The following GABRA2 variants were observed in gnomAD, a reference collection of about 807,000 sequenced individuals.
The protein encoded by GABRA2 is gamma-aminobutyric acid type A receptor subunit alpha2.
GABRA2 carries 16 observed loss-of-function variants against 48.7 expected under a neutral mutation model. The observed-to-expected ratio is 0.33, with a 90% confidence interval of 0.22 to 0.50. The LOEUF (loss-of-function observed/expected upper bound fraction) is 0.50. GABRA2 is among the 20% of genes least tolerant of loss of function. The probability of loss-of-function intolerance (pLI) is 0.98; values close to 1 mark genes in which losing one functional copy is unlikely to be tolerated. For missense variants in GABRA2, 275 were observed against 535.6 expected (o/e 0.51, Z 4.80); for synonymous variants, 185 against 184.5 (o/e 1.00, Z -0.02).
chr4:46,335,123 T>C lies in GABRA2; in HGVS notation c.188-2441A>G, dbSNP rs540781306. Among the ~76,000 whole-genome samples the C allele has an allele frequency of 5.3e-5, 8 of 151,938 alleles. No homozygotes were observed. In the East Asian group the frequency reaches 9.7e-4, roughly 18 times the overall value. On this transcript the variant is annotated intron_variant, in intron 3 of 9. Transcript: ENST00000381620. Reference sequence around the variant, plus strand: ...TCTTTGGTTATATTTTGGCTTTCTATAAGACAAGGAAAGGGAAGTGAACAA... The same window carrying C: ...TCTTTGGTTATATTTTGGCTTTCTACAAGACAAGGAAAGGGAAGTGAACAA...
rs180687092 is a variant in GABRA2, at chr4:46,382,315, C to T, written c.187+3759G>A. 4.4e-4 allele frequency among the ~76,000 whole-genome samples: 67 copies of T among 151,822 alleles called. 1 individual carries two copies. The highest frequency in any genetic ancestry group is 1.4e-3 in the African/African-American group (60 of 41,416). ...TCATTAAGTTGGTCAGGGTTGACCT[C>T]GTTGAGAAGGTGAGATCAGTGGATA... On this transcript the variant is annotated intron_variant, in intron 3 of 9. Transcript: ENST00000381620.
In GABRA2 at chr4:46,344,165, G is replaced by A. The variant is rs149291593; in HGVS notation, c.188-11483C>T. On this transcript the variant is annotated intron_variant, in intron 3 of 9. Transcript: ENST00000381620. ...ACATTTAAACAATTTATAAATGAAA[G>A]TAAGCCAGGAAATTAGGCTAGAAAA... Among the ~76,000 whole-genome samples the A allele has an allele frequency of 9.5e-4, 145 of 152,084 alleles. No individual in the cohort carries two copies. In the Middle Eastern group the frequency reaches 0.014, roughly 14 times the overall value.
chr4:46,356,631 G>A (rs763110177), intron 3 of GABRA2, among the ~76,000 whole-genome samples: 5 of 152,086 alleles, frequency 3.3e-5, no homozygotes, highest in African/African-American at 4.8e-5. Flanking sequence ...AGACGTTATC[G>A]CAGGACAATC....
chr4:46,374,719 T>G lies in GABRA2; in HGVS notation c.187+11355A>C, dbSNP rs138346314. On this transcript the variant is annotated intron_variant, in intron 3 of 9. Transcript: ENST00000381620. Reference sequence around the variant, plus strand: ...TTATTTTAGTATATTTTTTGATGACTACTATATGCATACTTATATATATCA... The same window carrying G: ...TTATTTTAGTATATTTTTTGATGACGACTATATGCATACTTATATATATCA... Among the ~76,000 whole-genome samples, 184 of 152,220 alleles carry G rather than the reference T, an allele frequency of 1.2e-3. 3 individuals are homozygous for G. In the East Asian group the frequency reaches 0.025, roughly 20 times the overall value.
At chr4:46,375,252 T>A (rs1040905796) in intron 3 of GABRA2, among the ~76,000 whole-genome samples, 2 of 152,168 alleles carry the variant, frequency 1.3e-5, no homozygotes, top group Non-Finnish European at 2.9e-5. Flanking sequence ...TTAATTTTAT[T>A]CTTATAATAC....
rs1355287276 is a variant in GABRA2 at position 46,279,901 on chromosome 4, C to A, written c.857-17773G>T. Among the ~76,000 whole-genome samples, 71 of 151,978 alleles carry A rather than the reference C, an allele frequency of 4.7e-4. 1 individual carries two copies. Among genetic ancestry groups the A allele is most frequent in the South Asian group, 2.1e-4 (1 of 4,824 alleles). ...TGGAAACGGAAATTGCATTCCACTA[C>A]TTATAGATTATATAAGTAGTACTTA... On this transcript the variant is annotated intron_variant, in intron 8 of 9. Transcript: ENST00000381620.
intron 3 of GABRA2, among the ~76,000 whole-genome samples, chr4:46,371,203 T>C (rs1714836037): frequency 6.6e-6 from 1 of 152,186 alleles, no homozygotes; most frequent in Admixed American, 6.5e-5. Flanking sequence ...TAGCATCCTC[T>C]AGGTTTGTAA....
At chr4:46,290,078 AT>A (rs1723330676) in intron 8 of GABRA2, among the ~76,000 whole-genome samples, 1 of 115,390 alleles carries the variant, frequency 8.7e-6, no homozygotes, top group Admixed American at 9.6e-5. Flanking sequence ...TGCCCGGCTC[AT>A]TTTTTGTATT....
At chr4:46,296,881 C>T (rs1248413600) in intron 8 of GABRA2, among the ~76,000 whole-genome samples, 2 of 152,074 alleles carry the variant, frequency 1.3e-5, no homozygotes, top group African/African-American at 2.4e-5. Context: ...TTCTCATTTT[C>T]GTTTTTCATG....
intron 6 of GABRA2, among the ~76,000 whole-genome samples, chr4:46,309,289 G>A (rs1332528792): frequency 6.6e-6 from 1 of 152,064 alleles, no homozygotes; most frequent in African/African-American, 2.4e-5. Context: ...CAGTTTGTGA[G>A]GAGAAGGCAT....
intron 8 of GABRA2, among the ~76,000 whole-genome samples, chr4:46,266,051 G>A (rs57278168): frequency 0.017 from 2,537 of 151,538 alleles, 82 homozygotes; most frequent in African/African-American, 0.058. Flanking sequence ...TTCAATCTTC[G>A]AATTTATTGA....
chr4:46,371,275 C>T (rs1022886713), intron 3 of GABRA2, among the ~76,000 whole-genome samples: 3 of 152,186 alleles, frequency 2.0e-5, no homozygotes, highest in Admixed American at 2.0e-4. Context: ...AACATCATCC[C>T]TTTTATCTCT....
At chr4:46,330,539 T>G (rs1255695532) in intron 4 of GABRA2, among the ~76,000 whole-genome samples, 1 of 146,552 alleles carries the variant, frequency 6.8e-6, no homozygotes, top group Non-Finnish European at 1.5e-5. Flanking sequence ...AATAGATATG[T>G]TTGCATTTAT....
intron 8 of GABRA2, among the ~76,000 whole-genome samples, chr4:46,302,120 G>A (rs544955748): frequency 6.6e-6 from 1 of 151,222 alleles, no homozygotes; most frequent in African/African-American, 2.4e-5. Context: ...TCAGGCTGGA[G>A]TGCAACGGCA....
chr4:46,251,541 C>T (rs1210321477), intron 9 of GABRA2, among the ~76,000 whole-genome samples: 1 of 151,374 alleles, frequency 6.6e-6, no homozygotes, highest in Non-Finnish European at 1.5e-5. Flanking sequence ...TTTTGAAAAC[C>T]TGATATACCA....
At chr4:46,290,004 C>A (rs1232180010) in intron 8 of GABRA2, among the ~76,000 whole-genome samples, 2 of 150,942 alleles carry the variant, frequency 1.3e-5, no homozygotes, top group African/African-American at 4.8e-5. Context: ...ACCCGCCTCC[C>A]GGGTTCACGC....
chr4:46,296,655 G>GAAAAAAAAAAAAAAAAAAA (rs113049147), intron 8 of GABRA2, among the ~76,000 whole-genome samples: 1 of 128,128 alleles, frequency 7.8e-6, no homozygotes, highest in Non-Finnish European at 1.6e-5. Context: ...TCTATCAGGG[G>GAAAAAAAAAAAAAAAAAAA]GAAAAAAAAA....
chr4:46,254,886 C>T (rs1715501389), intron 9 of GABRA2, among the ~76,000 whole-genome samples: 1 of 151,476 alleles, frequency 6.6e-6, no homozygotes, highest in South Asian at 2.1e-4. Flanking sequence ...ACTTGTACCC[C>T]CTAATCTGTG....
intron 8 of GABRA2, among the ~76,000 whole-genome samples, chr4:46,270,810 A>G (rs1360217167): frequency 6.6e-6 from 1 of 151,940 alleles, no homozygotes; most frequent in Non-Finnish European, 1.5e-5. Context: ...GTCCAAGCAA[A>G]GAGTGTTGGG....
Sources: gnomAD v4.1 joint callset for allele counts (sites outside exome capture counted in the v4.1 genomes callset) on GRCh38, gnomAD v4.1.1 for gene constraint, MANE v1.5 for transcripts, NCBI Gene and HGNC (gene_info 2026-07-23, HGNC 2026-07-21) for gene names.